The following FANCI variants were observed in gnomAD, a reference collection of about 807,000 sequenced individuals.
The protein encoded by FANCI is Fanconi anemia group I protein.
In FANCI, 156 loss-of-function variants were observed where a neutral mutation model predicts 176.1. The observed-to-expected ratio is 0.89, with a 90% CI of 0.78 to 1.01. The LOEUF (loss-of-function observed/expected upper bound fraction) is 1.01. Among genes scored for constraint, FANCI ranks in the 50% least tolerant of loss-of-function variants. The probability of loss-of-function intolerance (pLI) is 0.00; values close to 1 mark genes in which losing one functional copy is unlikely to be tolerated. For missense variants in FANCI, 1,678 were observed against 1,534.1 expected (o/e 1.09, Z -1.57); for synonymous variants, 613 against 541.7 (o/e 1.13, Z -1.83).
In FANCI at chr15:89,316,557, CA is replaced by C; in HGVS notation, c.*99del. 3.8e-6 allele frequency: 5 copies of C among 1,309,414 alleles called. No individual in the cohort carries two copies. Among genetic ancestry groups the C allele is most frequent in the Non-Finnish European group, 5.4e-6 (5 of 923,106 alleles). 81.1% of individuals were successfully genotyped at this position (1,309,414 alleles called of 1,614,324 possible). On this transcript the variant is annotated 3_prime_UTR_variant, in exon 38 of 38. Transcript: ENST00000310775. ...GTCCTGTAGTCCACACCGATGTTGGCATCTTGGTTCTGAACCCACTGAATTC... is the reference window on the plus strand; with the variant it reads ...GTCCTGTAGTCCACACCGATGTTGGCTCTTGGTTCTGAACCCACTGAATTC...
rs767016919 is a variant in FANCI, at chr15:89,293,932, C to A, written c.2391C>A (p.Ala797=). The A allele has an allele frequency of 6.2e-7, 1 of 1,614,048 alleles. No homozygotes were observed. The highest frequency in any genetic ancestry group is 1.1e-5 in the South Asian group (1 of 91,082). ...EKAGKAKTKM[A]NKTSDSLLSM... ...CGGGTAAAGCCAAAACTAAAATGGC[C>A]AACAAGACAAGTGATAGTCTTTTGT... Residue 797 remains alanine, a synonymous_variant, in exon 23 of 38, where the codon GCC becomes GCA. Transcript: ENST00000310775.
At chr15:89,249,002 C>T (rs2052112194) in intron 2 of FANCI, among the ~76,000 whole-genome samples, 1 of 152,094 alleles carries the variant, frequency 6.6e-6, no homozygotes, top group African/African-American at 2.4e-5. Flanking sequence ...TAGTGAGACC[C>T]AGTTTCTAAA....
rs567579144 is a variant in FANCI at position 89,260,917 on chromosome 15, C to T, written c.288+74C>T. ...TTGTAATTTGTTGAGGGAAGGAAAACTTAAGTGCCCAACCTAGCATAGTCC... is the reference window on the plus strand; with the variant it reads ...TTGTAATTTGTTGAGGGAAGGAAAATTTAAGTGCCCAACCTAGCATAGTCC... On this transcript the variant is annotated intron_variant, in intron 4 of 37. Coordinates refer to ENST00000310775, the MANE Select transcript of FANCI (RefSeq NM_001113378.2). The T allele has an allele frequency of 2.0e-4, 306 of 1,561,530 alleles. 3 individuals carry two copies. In the South Asian group the frequency reaches 3.2e-3, roughly 16 times the overall value.
intron 18 of FANCI, among the ~76,000 whole-genome samples, chr15:89,285,700 T>C (rs1596293224): frequency 6.6e-6 from 1 of 151,634 alleles, no homozygotes; most frequent in Middle Eastern, 3.2e-3. Context: ...TATTTAAATA[T>C]ACTATAAATT....
chr15:89,258,045 CTTTA>C (rs2052570840), intron 2 of FANCI, among the ~76,000 whole-genome samples: 1 of 151,852 alleles, frequency 6.6e-6, no homozygotes. Flanking sequence ...CTACTCTTTT[CTTTA>C]TTATTCTCCA....
intron 34 of FANCI, among the ~76,000 whole-genome samples, chr15:89,311,834 A>T (rs1335503790): frequency 6.6e-6 from 1 of 152,106 alleles, no homozygotes; most frequent in African/African-American, 2.4e-5. Context: ...CTTCCTAAGA[A>T]GGTTTAGAAC....
intron 32 of FANCI, among the ~76,000 whole-genome samples, chr15:89,306,456 C>T (rs2054722276): frequency 2.0e-5 from 3 of 152,146 alleles, no homozygotes; most frequent in African/African-American, 7.2e-5. Context: ...CTTTGGTAGG[C>T]TGAGACGGGC....
In FANCI at chr15:89,314,644, T is replaced by C; in HGVS notation, c.3753T>C (p.Pro1251=). 6.2e-7 allele frequency: 1 copy of C among 1,614,170 alleles called. No individual in the cohort carries two copies. Among genetic ancestry groups the C allele is most frequent in the Non-Finnish European group, 8.5e-7 (1 of 1,180,002 alleles). The change falls in exon 36 of 38, where the codon CCT becomes CCC. Residue 1251 remains proline, a synonymous_variant. Transcript: ENST00000310775. ...TTCTTCGGGAAACCAAGCCAATCCC[T>C]AACCTCATCTTTGCCATAGAACAGT... ...ARVLRETKPI[P]NLIFAIEQYE...
intron 34 of FANCI, among the ~76,000 whole-genome samples, chr15:89,310,738 T>C (rs2054921700): frequency 6.6e-6 from 1 of 152,232 alleles, no homozygotes; most frequent in South Asian, 2.1e-4. Context: ...CCCTCTTCAT[T>C]TCCCCAGTTC....
intron 24 of FANCI, among the ~76,000 whole-genome samples, chr15:89,298,431 A>G (rs1049749744): frequency 6.6e-6 from 1 of 152,256 alleles, no homozygotes; most frequent in African/African-American, 2.4e-5. Flanking sequence ...AACATCTTGA[A>G]TAGAATGGAA....
rs74847118 is a variant in FANCI at position 89,307,898 on chromosome 15, G to A, written c.3651+226G>A. The A allele has an allele frequency of 6.5e-3, 9,262 of 1,414,458 alleles. 497 individuals carry two copies. The African/African-American group carries it at 0.11, about 17-fold the overall frequency. The allele number at this position is 1,414,458 out of a possible 1,614,324, so 87.6% of individuals were successfully genotyped here. On this transcript the variant is annotated intron_variant, in intron 34 of 37. Coordinates refer to ENST00000310775, the MANE Select transcript of FANCI (RefSeq NM_001113378.2). ...TAATTTGGAGAAAGGAAGCATATAT[G>A]TTTGCATTTGGAGCAAGGAAGGAAC...
rs556544052 is a variant in FANCI at position 89,307,933 on chromosome 15, C to G, written c.3651+261C>G. 3.0e-6 allele frequency: 4 copies of G among 1,350,864 alleles called. No individual in the cohort carries two copies. The East Asian group carries it at 9.3e-5, about 32-fold the overall frequency. The allele number at this position is 1,350,864 out of a possible 1,614,324, so 83.7% of individuals were successfully genotyped here. The stretch of plus-strand genomic sequence containing the variant: ...GGAGCAAGGAAGGAACAAGCATGCT[C>G]AGGCTCAAGGACTTGGTTTATTCCT... On this transcript the variant is annotated intron_variant, in intron 34 of 37. Transcript: ENST00000310775.
At chr15:89,257,630 T>C (rs2052552732) in intron 2 of FANCI, among the ~76,000 whole-genome samples, 1 of 152,180 alleles carries the variant, frequency 6.6e-6, no homozygotes, top group African/African-American at 2.4e-5. Context: ...TTAGGACCCA[T>C]CCTAATGACC....
intron 18 of FANCI, among the ~76,000 whole-genome samples, chr15:89,288,985 A>G (rs1298276329): frequency 1.3e-5 from 2 of 151,286 alleles, no homozygotes; most frequent in East Asian, 1.9e-4. Flanking sequence ...AATCCTTCCA[A>G]TGAATATTCA....
At chr15:89,315,715 C>T (rs2152036861) in intron 37 of FANCI, among the ~76,000 whole-genome samples, 1 of 152,324 alleles carries the variant, frequency 6.6e-6, no homozygotes, top group South Asian at 2.1e-4. Context: ...AACTAGTTTA[C>T]CTCTCATGTC....
At position 89,283,125 on chromosome 15, in the gene FANCI, T is replaced by C. The variant is rs763129006; in HGVS notation, c.1584-11T>C. ...TAGTACTGTTTGTTAACTTCTCTATTTCTGAGCTAGCCAGCTTGATGCCCG... is the reference window on the plus strand; with the variant it reads ...TAGTACTGTTTGTTAACTTCTCTATCTCTGAGCTAGCCAGCTTGATGCCCG... On this transcript the variant is annotated splice_polypyrimidine_tract_variant and intron_variant, in intron 16 of 37. Transcript: ENST00000310775. 1.1e-5 allele frequency: 18 copies of C among 1,613,978 alleles called. No homozygotes were observed. The highest frequency in any genetic ancestry group is 1.4e-5 in the Non-Finnish European group (17 of 1,179,974).
chr15:89,288,706 G>C (rs538552262), intron 18 of FANCI, among the ~76,000 whole-genome samples: 2 of 150,570 alleles, frequency 1.3e-5, no homozygotes, highest in Admixed American at 1.3e-4. Flanking sequence ...GCAGCCTCCA[G>C]CTCCTAGGCT....
chr15:89,264,001 A>G lies in FANCI; in HGVS notation c.644A>G (p.Tyr215Cys), dbSNP rs751222800. ...MNLQEIPPLV[Y>C]QLLVLSSKGS... ...CTTCAAGAAATACCACCTTTGGTCT[A>G]TCAGCTTCTGGTTCTCTCCTCCAAG... The change falls in exon 8 of 38, where the codon TAT (tyrosine) becomes TGT (cysteine). Residue 215 changes from tyrosine (Y) to cysteine (C), a missense_variant. Physicochemically the swap from Tyr to Cys is radical, Grantham distance 194. Coordinates refer to ENST00000310775, the MANE Select transcript of FANCI (RefSeq NM_001113378.2). 5.6e-6 allele frequency: 9 copies of G among 1,614,084 alleles called. No individual in the cohort carries two copies. Among genetic ancestry groups the G allele is most frequent in the Admixed American group, 5.0e-5 (3 of 60,026 alleles).
intron 24 of FANCI, among the ~76,000 whole-genome samples, chr15:89,296,010 C>G (rs2054254201): frequency 6.6e-6 from 1 of 152,094 alleles, no homozygotes; most frequent in Non-Finnish European, 1.5e-5. Flanking sequence ...CTCTGTCACC[C>G]AGGCTAGAGT....
Sources: gnomAD v4.1 joint callset for allele counts (sites outside exome capture counted in the v4.1 genomes callset) on GRCh38, gnomAD v4.1.1 for gene constraint, MANE v1.5 for transcripts, NCBI Gene and HGNC (gene_info 2026-07-23, HGNC 2026-07-21) for gene names.